FRZB: variants seen among roughly 807,000 people sequenced by gnomAD.
FRZB encodes the protein secreted frizzled-related protein 3.
Under a neutral mutation model 32.5 loss-of-function variants are expected in FRZB, and 34 were observed. The observed-to-expected ratio is 1.05, with a 90% CI of 0.80 to 1.39. The LOEUF (loss-of-function observed/expected upper bound fraction) is 1.39. Ranked by LOEUF, FRZB falls within the 40% of genes most tolerant of loss-of-function variation. FRZB has a pLI of 0.00. For synonymous variants in FRZB, 170 were observed against 159.2 expected (o/e 1.07, Z -0.51); for missense variants, 423 against 424.8 (o/e 1.00, Z 0.04).
chr2:182,854,962 G>GA (rs1695752113), intron 2 of FRZB, among the ~76,000 whole-genome samples: 1 of 152,204 alleles, frequency 6.6e-6, no homozygotes, highest in Non-Finnish European at 1.5e-5. Flanking sequence ...CTGGGCATGT[G>GA]TGACTCTGAC....
At chr2:182,855,700 G>A (rs1298660541) in intron 2 of FRZB, among the ~76,000 whole-genome samples, 1 of 152,084 alleles carries the variant, frequency 6.6e-6, no homozygotes, top group Non-Finnish European at 1.5e-5. Flanking sequence ...TCATAGAAGA[G>A]ACTATTGTGT....
At chr2:182,860,688 G>A (rs528772480) in intron 1 of FRZB, among the ~76,000 whole-genome samples, 19 of 152,134 alleles carry the variant, frequency 1.2e-4, no homozygotes, top group South Asian at 6.2e-4. Flanking sequence ...CCAACATGGC[G>A]AAAACCCATC....
At chr2:182,843,908 G>A (rs1421849169) in intron 2 of FRZB, among the ~76,000 whole-genome samples, 1 of 151,600 alleles carries the variant, frequency 6.6e-6, no homozygotes, top group Non-Finnish European at 1.5e-5. Flanking sequence ...TCCAGACTGG[G>A]TGATAGAGTA....
chr2:182,858,848 C>A lies in FRZB; in HGVS notation c.479-15G>T. On this transcript the variant is annotated splice_polypyrimidine_tract_variant and intron_variant, in intron 1 of 5. Coordinates refer to ENST00000295113, the MANE Select transcript of FRZB (RefSeq NM_001463.4). Reference sequence around the variant, plus strand: ...CATAGGAAAATCTGAAAGGAGGTGACAGAAAAAAGAACTATAACATATCTA... The same window carrying A: ...CATAGGAAAATCTGAAAGGAGGTGAAAGAAAAAAGAACTATAACATATCTA... 6.2e-7 allele frequency: 1 copy of A among 1,600,772 alleles called. No homozygotes were observed. The highest frequency in any genetic ancestry group is 1.1e-5 in the South Asian group (1 of 90,646).
rs778534128 is a variant in FRZB, at chr2:182,866,351, C to T, written c.202G>A (p.Ala68Thr). 2 of 1,614,122 alleles carry T rather than the reference C, an allele frequency of 1.2e-6. No individual in the cohort carries two copies. The highest frequency in any genetic ancestry group is 4.5e-5 in the East Asian group (2 of 44,880). ...AGCAGACCTTCGAACTGCTCGATGG[C>T]CAGGATGGCGTTGGCCTGAGTGCTG... ...HHSTQANAIL[A>T]IEQFEGLLGT... The change falls in exon 1 of 6, where the codon GCC (alanine) becomes ACC (threonine). Residue 68 changes from alanine to threonine, a missense_variant. Ala to Thr is a moderately conservative substitution (Grantham distance 58). Coordinates refer to ENST00000295113, the MANE Select transcript of FRZB (RefSeq NM_001463.4). This position sits in a 1 kb window ranked among gnomAD's most constrained non-coding sequence, Gnocchi z 4.5.
intron 5 of FRZB, among the ~76,000 whole-genome samples, chr2:182,837,142 T>C (rs935472894): frequency 6.8e-6 from 1 of 146,476 alleles, no homozygotes; most frequent in African/African-American, 2.5e-5. Flanking sequence ...ACCCCATTCT[T>C]TTCTTTAAAA....
At chr2:182,857,616 CAA>C (rs769804358) in intron 2 of FRZB, among the ~76,000 whole-genome samples, 10 of 88,794 alleles carry the variant, frequency 1.1e-4, no homozygotes, top group Admixed American at 1.2e-4. Flanking sequence ...GACTCCATCT[CAA>C]AAAAAAAAAA....
At chr2:182,863,891 T>C (rs1044508188) in intron 1 of FRZB, among the ~76,000 whole-genome samples, 2 of 152,116 alleles carry the variant, frequency 1.3e-5, no homozygotes, top group African/African-American at 2.4e-5. Flanking sequence ...CACACTTCAT[T>C]CCCAATTTCC....
chr2:182,846,043 A>G (rs1695635951), intron 2 of FRZB, among the ~76,000 whole-genome samples: 1 of 152,220 alleles, frequency 6.6e-6, no homozygotes, highest in Admixed American at 6.5e-5. Flanking sequence ...AGCTTCTTAT[A>G]AAGATCAAAA....
At chr2:182,863,972 C>CAG (rs1447341075) in intron 1 of FRZB, among the ~76,000 whole-genome samples, 1 of 152,186 alleles carries the variant, frequency 6.6e-6, no homozygotes, top group Non-Finnish European at 1.5e-5. Flanking sequence ...TGGAAGGGAG[C>CAG]AGGGATGCCA....
rs1486011537 is a variant in FRZB at position 182,866,276 on chromosome 2, C to T, written c.277G>A (p.Ala93Thr). Residue 93 changes from alanine (A) to threonine (T), a missense_variant, in exon 1 of 6, where the codon GCG becomes ACG. Ala to Thr is a moderately conservative substitution (Grantham distance 58, BLOSUM62 0). Transcript: ENST00000295113. This position sits in a 1 kb window ranked among gnomAD's most constrained non-coding sequence, Gnocchi z 4.5. ...DLLFFLCAMY[A>T]PICTIDFQHE... ...TGGAAGTCAATGGTGCAGATGGGCG[C>T]GTACATGGCACAGAGGAAGAAGAGC... The T allele has an allele frequency of 6.2e-7, 1 of 1,614,186 alleles. No individual in the cohort carries two copies. The highest frequency in any genetic ancestry group is 1.7e-5 in the Admixed American group (1 of 60,026).
intron 2 of FRZB, 95 bp downstream of exon 2, chr2:182,858,691 G>A: frequency 1.2e-6 from 1 of 809,186 alleles, no homozygotes; most frequent in Non-Finnish European, 2.0e-6. Flanking sequence ...TAAAATGTAG[G>A]GCACAAGCTT....
At chr2:182,864,493 TAATAGCA>T (rs1695869074) in intron 1 of FRZB, among the ~76,000 whole-genome samples, 1 of 152,216 alleles carries the variant, frequency 6.6e-6, no homozygotes. Context: ...TAGCAAAGAT[TAATAGCA>T]AATACATTTC....
chr2:182,862,626 A>G (rs1258500612), intron 1 of FRZB, among the ~76,000 whole-genome samples: 1 of 152,246 alleles, frequency 6.6e-6, no homozygotes, highest in Non-Finnish European at 1.5e-5. Context: ...GCATTTACCA[A>G]CATAACCATT....
chr2:182,866,442 G>A lies in FRZB; in HGVS notation c.111C>T (p.Pro37=), dbSNP rs758136500. The A allele has an allele frequency of 1.3e-6, 2 of 1,585,560 alleles. No individual in the cohort carries two copies. The highest frequency in any genetic ancestry group is 2.2e-5 in the East Asian group (1 of 44,474). Residue 37 remains proline (P), a synonymous_variant, in exon 1 of 6, where the codon CCC becomes CCT. Coordinates refer to ENST00000295113, the MANE Select transcript of FRZB (RefSeq NM_001463.4). This position sits in a 1 kb window ranked among gnomAD's most constrained non-coding sequence, Gnocchi z 4.5. Reference sequence around the variant, plus strand: ...GGGACTTGCACAGGGGGATGCGGACGGGCTCACAGGCTGCAGCCCGAGCCC... The same window carrying A: ...GGGACTTGCACAGGGGGATGCGGACAGGCTCACAGGCTGCAGCCCGAGCCC... ...VPGARAAACE[P]VRIPLCKSLP...
At chr2:182,863,395 G>T (rs1015968115) in intron 1 of FRZB, among the ~76,000 whole-genome samples, 1 of 152,146 alleles carries the variant, frequency 6.6e-6, no homozygotes, top group Admixed American at 6.5e-5. Context: ...GATGGAACCC[G>T]TTCTTTTCAA....
chr2:182,836,908 G>C (rs1695531528), intron 5 of FRZB, among the ~76,000 whole-genome samples: 1 of 151,986 alleles, frequency 6.6e-6, no homozygotes, highest in Non-Finnish European at 1.5e-5. Context: ...ACAAAATAAT[G>C]CCCTCTACAT....
intron 2 of FRZB, among the ~76,000 whole-genome samples, chr2:182,848,634 A>ACAG (rs1422497738): frequency 6.6e-6 from 1 of 152,124 alleles, no homozygotes; most frequent in Non-Finnish European, 1.5e-5. Context: ...AACAACAACA[A>ACAG]CAGCACAACT....
At chr2:182,855,760 C>T (rs976468386) in intron 2 of FRZB, among the ~76,000 whole-genome samples, 3 of 152,012 alleles carry the variant, frequency 2.0e-5, no homozygotes, top group East Asian at 1.9e-4. Context: ...TCAAATTTGG[C>T]TAACATTATA....
Sources: gnomAD v4.1 joint callset for allele counts (sites outside exome capture counted in the v4.1 genomes callset) on GRCh38, gnomAD v4.1.1 for gene constraint, Gnocchi (gnomAD v3.1) non-coding constraint, MANE v1.5 for transcripts, NCBI Gene and HGNC (gene_info 2026-07-23, HGNC 2026-07-21) for gene names.